The following STAG2 variants were observed in gnomAD, a reference collection of about 807,000 sequenced individuals.
STAG2 encodes cohesin subunit SA-2.
A neutral mutation model predicts 108.1 loss-of-function variants in STAG2; 14 were observed. That is an observed-to-expected ratio of 0.13 (90% confidence interval 0.09 to 0.20). STAG2 has a LOEUF of 0.20. Ranked by LOEUF, STAG2 falls within the 10% of genes least tolerant of loss-of-function variation. STAG2 has a pLI of 1.00. For missense variants in STAG2, 440 were observed against 940.9 expected (o/e 0.47, Z 6.96); for synonymous variants, 307 against 302.7 (o/e 1.01, Z -0.15).
At chrX:123,973,034 G>C (rs2054440767) in intron 1 of STAG2, among the ~76,000 whole-genome samples, 2 of 106,636 alleles carry the variant, frequency 1.9e-5, no homozygotes, top group African/African-American at 3.4e-5. Flanking sequence ...GGGTGATAGA[G>C]TGAGACCCCC....
chrX:124,089,637 A>G (rs1469548559), intron 30 of STAG2, among the ~76,000 whole-genome samples: 4 of 111,175 alleles, frequency 3.6e-5, no homozygotes, highest in Admixed American at 9.6e-5. Context: ...CTGCCACCAC[A>G]TTGACTAAAA....
intron 6 of STAG2, among the ~76,000 whole-genome samples, chrX:124,039,219 G>A (rs766764112): frequency 9.3e-6 from 1 of 108,054 alleles, no homozygotes; most frequent in African/African-American, 3.4e-5. Flanking sequence ...GTAGTGTCGT[G>A]ATCATGGCTC....
chrX:124,017,240 C>T (rs1447615463), intron 1 of STAG2, among the ~76,000 whole-genome samples: 1 of 108,870 alleles, frequency 9.2e-6, no homozygotes, highest in East Asian at 2.9e-4. Context: ...GATGGAGTCT[C>T]ACTCTGTTGC....
chrX:123,987,058 T>C (rs935666027), intron 1 of STAG2, among the ~76,000 whole-genome samples: 4 of 110,039 alleles, frequency 3.6e-5, no homozygotes, highest in African/African-American at 1.3e-4. Context: ...AGTGGTGCGA[T>C]CTCAGCTCAC....
At chrX:124,038,682 AAGAT>A (rs1237417314) in intron 6 of STAG2, among the ~76,000 whole-genome samples, 2 of 111,813 alleles carry the variant, frequency 1.8e-5, no homozygotes, top group Non-Finnish European at 3.8e-5. Context: ...TGAGGCCTGA[AAGAT>A]AGACAACTAT....
At chrX:124,030,207 T>C (rs969882538) in intron 4 of STAG2, among the ~76,000 whole-genome samples, 37 of 111,989 alleles carry the variant, frequency 3.3e-4, no homozygotes, top group African/African-American at 1.1e-3. Flanking sequence ...TGAGTTTGGT[T>C]ATTCTTGCTG....
intron 1 of STAG2, among the ~76,000 whole-genome samples, chrX:123,998,793 T>G (rs761139111): frequency 1.8e-5 from 2 of 111,850 alleles, no homozygotes; most frequent in East Asian, 2.8e-4. Context: ...ATATGTACAT[T>G]GTAGAAAAAA....
chrX:124,102,343 A>G lies in STAG2; in HGVS notation c.*1746A>G, dbSNP rs2059519523. The G allele has an allele frequency of 6.3e-6, 1 of 159,268 alleles. No homozygotes were observed. Among genetic ancestry groups the G allele is most frequent in the Admixed American group, 8.1e-5 (1 of 12,319 alleles). The allele number at this position is 159,268 out of a possible 1,213,427, so 13.1% of individuals were successfully genotyped here. A position where few individuals can be genotyped will look rare whatever the true frequency, so the allele number is the denominator to read the frequency against. ...CTTGAAAGGAGTACTTCTTTGTGAA[A>G]GCAGTTCTTACAGCTTTGTTTTCAA... On this transcript the variant is annotated 3_prime_UTR_variant, in exon 35 of 35. Coordinates refer to ENST00000371145, the MANE Select transcript of STAG2 (RefSeq NM_001042750.2).
At chrX:124,100,262 A>G (rs1303150235) in intron 34 of STAG2, among the ~76,000 whole-genome samples, 1 of 111,593 alleles carries the variant, frequency 9.0e-6, no homozygotes, top group African/African-American at 3.2e-5. Context: ...CATTTAACAA[A>G]TACCTATGTT....
intron 13 of STAG2, among the ~76,000 whole-genome samples, chrX:124,055,583 T>C (rs935573135): frequency 1.8e-5 from 2 of 112,393 alleles, no homozygotes; most frequent in African/African-American, 6.5e-5. Flanking sequence ...TTTAGTAAGA[T>C]TTTTTTCCCC....
intron 1 of STAG2, among the ~76,000 whole-genome samples, chrX:123,986,071 T>C (rs1046464625): frequency 2.5e-4 from 26 of 105,674 alleles, no homozygotes; most frequent in African/African-American, 8.6e-4. Flanking sequence ...ATGTGTCATA[T>C]ATCATATATA....
At chrX:124,020,895 C>T (rs1248144160) in intron 1 of STAG2, among the ~76,000 whole-genome samples, 1 of 111,635 alleles carries the variant, frequency 9.0e-6, no homozygotes, top group Non-Finnish European at 1.9e-5. Context: ...TGGTCTGGAA[C>T]TCCTCACCTC....
chrX:123,970,937 C>A (rs1418742610), intron 1 of STAG2, among the ~76,000 whole-genome samples: 1 of 111,510 alleles, frequency 9.0e-6, no homozygotes, highest in African/African-American at 3.3e-5. Flanking sequence ...TGCTTCTTGG[C>A]CTTTTGGCTA....
intron 1 of STAG2, among the ~76,000 whole-genome samples, chrX:124,015,871 A>G (rs1279921777): frequency 3.6e-5 from 4 of 111,463 alleles, no homozygotes; most frequent in Non-Finnish European, 7.5e-5. Context: ...TAGCATTCAC[A>G]ACCTCAAACT....
At chrX:123,997,084 C>A (rs57001905) in intron 1 of STAG2, among the ~76,000 whole-genome samples, 3 of 111,835 alleles carry the variant, frequency 2.7e-5, no homozygotes, top group Non-Finnish European at 5.7e-5. Context: ...ACTTTCTATT[C>A]TATTTCATTG....
intron 13 of STAG2, among the ~76,000 whole-genome samples, chrX:124,053,648 G>T (rs2148247307): frequency 9.0e-6 from 1 of 111,518 alleles, no homozygotes; most frequent in East Asian, 2.8e-4. Context: ...AAAGATCAAT[G>T]AAGCAGAATA....
chrX:124,068,902 T>C (rs2058600981), intron 24 of STAG2, among the ~76,000 whole-genome samples: 1 of 112,073 alleles, frequency 8.9e-6, no homozygotes, highest in Admixed American at 9.5e-5. Flanking sequence ...GTTGTTTCTT[T>C]ATGACACATG....
chrX:124,069,313 A>G (rs1426323790), intron 24 of STAG2, among the ~76,000 whole-genome samples: 1 of 112,300 alleles, frequency 8.9e-6, no homozygotes, highest in Non-Finnish European at 1.9e-5. Context: ...TTTCACAAGC[A>G]TTCCATAAGA....
In STAG2 at chrX:124,095,620, A is replaced by G. The variant is rs1385630719; in HGVS notation, c.3783+171A>G. ...AGTGGGAGGGGAAGAGAGTGCTGCA[A>G]TAGTGTTGACAGATTAGAAAAGTAC... On this transcript the variant is annotated intron_variant, in intron 34 of 34. Coordinates refer to ENST00000371145, the MANE Select transcript of STAG2 (RefSeq NM_001042750.2). 1.6e-5 allele frequency: 7 copies of G among 437,130 alleles called. No individual in the cohort carries two copies. In the Admixed American group the frequency reaches 2.4e-4, roughly 15 times the overall value. 36.0% of individuals were successfully genotyped at this position (437,130 alleles called of 1,213,427 possible).
Sources: gnomAD v4.1 joint callset for allele counts (sites outside exome capture counted in the v4.1 genomes callset) on GRCh38, gnomAD v4.1.1 for gene constraint, MANE v1.5 for transcripts, NCBI Gene and HGNC (gene_info 2026-07-23, HGNC 2026-07-21) for gene names.